The following CNKSR2 variants were observed in gnomAD, a reference collection of about 807,000 sequenced individuals.
The protein encoded by CNKSR2 is connector enhancer of kinase suppressor of Ras 2.
Under a neutral mutation model 84.4 loss-of-function variants are expected in CNKSR2, and 14 were observed. The ratio of observed to expected loss-of-function variants is 0.17; its 90% CI spans 0.11 to 0.26. The LOEUF is 0.26. Among genes scored for constraint, CNKSR2 ranks in the 10% least tolerant of loss-of-function variants. CNKSR2 has a pLI of 1.00. For missense variants in CNKSR2, 485 were observed against 771.2 expected, an observed-to-expected ratio of 0.63 and a Z score of 4.40; for synonymous variants, 275 against 277.9, an observed-to-expected ratio of 0.99 and a Z score of 0.10.
chrX:21,444,719 A>G (rs760133768), intron 4 of CNKSR2, among the ~76,000 whole-genome samples: 1 of 109,186 alleles, frequency 9.2e-6, no homozygotes, highest in Non-Finnish European at 1.9e-5. Flanking sequence ...TACTTTTGGT[A>G]TTGAGTGGCA....
At chrX:21,597,621 GA>G (rs1367460671) in intron 17 of CNKSR2, among the ~76,000 whole-genome samples, 2 of 110,444 alleles carry the variant, frequency 1.8e-5, no homozygotes, top group African/African-American at 3.3e-5. Context: ...ATAGAAGGGG[GA>G]AAGAGTCAGT....
chrX:21,418,786 A>G (rs1601763799), intron 1 of CNKSR2, among the ~76,000 whole-genome samples: 1 of 111,153 alleles, frequency 9.0e-6, no homozygotes, highest in East Asian at 2.8e-4. Flanking sequence ...ACTCTGATGC[A>G]TTTTTCAGTA....
chrX:21,500,543 A>C (rs947048562), intron 7 of CNKSR2, among the ~76,000 whole-genome samples: 22 of 111,213 alleles, frequency 2.0e-4, no homozygotes, highest in Non-Finnish European at 3.8e-5. Context: ...TTTTATAAAA[A>C]TGGATTTTCT....
chrX:21,446,435 G>T (rs1278007616), intron 4 of CNKSR2, among the ~76,000 whole-genome samples: 1 of 110,533 alleles, frequency 9.0e-6, no homozygotes, highest in Non-Finnish European at 1.9e-5. Context: ...CTAATTTTTG[G>T]CAGCTGCATA....
intron 2 of CNKSR2, among the ~76,000 whole-genome samples, chrX:21,431,461 C>A (rs995455736): frequency 9.0e-6 from 1 of 111,260 alleles, no homozygotes; most frequent in African/African-American, 3.3e-5. Flanking sequence ...AAAAAGAAAT[C>A]TTCCCATACC....
At chrX:21,473,042 A>T (rs1416366434) in intron 5 of CNKSR2, among the ~76,000 whole-genome samples, 2 of 111,779 alleles carry the variant, frequency 1.8e-5, no homozygotes, top group East Asian at 5.5e-4. Context: ...TAATTGACTC[A>T]TATTGACTTT....
At position 21,586,125 on chromosome X, in the gene CNKSR2, G is replaced by A. The variant is rs183444635; in HGVS notation, c.1609-4447G>A. Among the ~76,000 whole-genome samples, 114 of 111,042 alleles carry A rather than the reference G, an allele frequency of 1.0e-3. 1 individual carries two copies. Among genetic ancestry groups the A allele is most frequent in the African/African-American group, 3.3e-3 (101 of 30,524 alleles). The stretch of plus-strand genomic sequence containing the variant: ...CCTAAAGCCACATATCTTAGGCACC[G>A]AGTCCAGAAAAAGATAGAGATGCCT... On this transcript the variant is annotated intron_variant, in intron 13 of 21. Coordinates refer to ENST00000379510, the MANE Select transcript of CNKSR2 (RefSeq NM_014927.5).
chrX:21,389,058 C>A (rs965713861), intron 1 of CNKSR2, among the ~76,000 whole-genome samples: 1 of 107,407 alleles, frequency 9.3e-6, no homozygotes, highest in Non-Finnish European at 1.9e-5. Context: ...ACCCATAACC[C>A]CATTCTAACC....
chrX:21,527,054 A>G, intron 10 of CNKSR2, 54 bp downstream of exon 10: 1 of 1,097,144 alleles, frequency 9.1e-7, no homozygotes. Flanking sequence ...TAAACCTAAC[A>G]GCATATAAAC....
chrX:21,626,510 A>G (rs2092624592), intron 20 of CNKSR2, among the ~76,000 whole-genome samples: 2 of 111,897 alleles, frequency 1.8e-5, no homozygotes, highest in African/African-American at 6.5e-5. Context: ...GATACCAATT[A>G]GAAAACTAAT....
rs183242219 is a variant in CNKSR2, at chrX:21,470,728, A to G, written c.520-38A>G. ...GAAAATATTTTTAAAAGAATGCTTGATATTTTGAATCTAATGTATATGGTT... is the reference window on the plus strand; with the variant it reads ...GAAAATATTTTTAAAAGAATGCTTGGTATTTTGAATCTAATGTATATGGTT... On this transcript the variant is annotated intron_variant, in intron 4 of 21. Coordinates refer to ENST00000379510, the MANE Select transcript of CNKSR2 (RefSeq NM_014927.5). The G allele has an allele frequency of 7.6e-4, 511 of 672,465 alleles. 3 individuals are homozygous for G. Among genetic ancestry groups the G allele is most frequent in the Admixed American group, 1.3e-3 (38 of 28,900 alleles). The allele number at this position is 672,465 out of a possible 1,213,427, so 55.4% of individuals were successfully genotyped here.
chrX:21,613,310 A>G (rs1055211473), intron 20 of CNKSR2, among the ~76,000 whole-genome samples: 3 of 112,202 alleles, frequency 2.7e-5, no homozygotes, highest in Non-Finnish European at 1.9e-5. Flanking sequence ...CGTATGTACT[A>G]GCCAATTCAG....
chrX:21,544,927 C>A (rs1234931194), intron 11 of CNKSR2, among the ~76,000 whole-genome samples: 1 of 111,566 alleles, frequency 9.0e-6, no homozygotes, highest in African/African-American at 3.3e-5. Flanking sequence ...GCCTACACCA[C>A]CAGGGCCCTG....
intron 20 of CNKSR2, among the ~76,000 whole-genome samples, chrX:21,647,688 T>G (rs2092709837): frequency 9.0e-6 from 1 of 111,715 alleles, no homozygotes; most frequent in African/African-American, 3.3e-5. Context: ...ATCATAAAGA[T>G]TAAGCATTTA....
chrX:21,462,953 G>A (rs979170545), intron 4 of CNKSR2, among the ~76,000 whole-genome samples: 16 of 110,126 alleles, frequency 1.5e-4, no homozygotes, highest in East Asian at 8.5e-4. Flanking sequence ...TGATCCGCCC[G>A]CCTCGGCCTC....
At chrX:21,609,015 G>T in intron 19 of CNKSR2, 56 bp from the exon 20 acceptor site, 2 of 1,145,661 alleles carry the variant, frequency 1.7e-6, no homozygotes. Context: ...TGTGTTCCTT[G>T]GAATGGAAGT....
At chrX:21,621,880 A>G (rs2092603393) in intron 20 of CNKSR2, among the ~76,000 whole-genome samples, 2 of 111,041 alleles carry the variant, frequency 1.8e-5, no homozygotes, top group African/African-American at 6.5e-5. Context: ...CTCATCATCT[A>G]TTTTTACAAA....
intron 4 of CNKSR2, among the ~76,000 whole-genome samples, chrX:21,460,410 A>AT (rs2091047018): frequency 9.0e-6 from 1 of 111,103 alleles, no homozygotes; most frequent in Non-Finnish European, 1.9e-5. Context: ...CATATTTCAA[A>AT]TTTTTTGTGG....
rs774308216 is a variant in CNKSR2 at position 21,490,552 on chromosome X, G to A, written c.655G>A (p.Ala219Thr). The A allele has an allele frequency of 1.7e-6, 2 of 1,208,605 alleles. No individual in the cohort carries two copies. Among genetic ancestry groups the A allele is most frequent in the South Asian group, 3.5e-5 (2 of 56,640 alleles). ...TGCTCACCTGGAAGTGATTCAACTG[G>A]CAAACATTAAACCAAGCGAAGGGCT... ...QSAHLEVIQL[A>T]NIKPSEGLGM... The change falls in exon 6 of 22, where the codon GCA (alanine) becomes ACA (threonine). Residue 219 changes from alanine to threonine, a missense_variant. Transcript: ENST00000379510.
Sources: allele counts gnomAD v4.1 joint callset (sites outside exome capture counted in the v4.1 genomes callset), GRCh38; gene constraint gnomAD v4.1.1; transcripts MANE v1.5; gene names NCBI Gene and HGNC (gene_info 2026-07-23, HGNC 2026-07-21).